PIEZO1: variants seen among roughly 807,000 people sequenced by gnomAD.
PIEZO1 encodes piezo-type mechanosensitive ion channel component 1.
A neutral mutation model predicts 297.2 loss-of-function variants in PIEZO1; 296 were observed. That is an observed-to-expected ratio of 1.00 (90% confidence interval 0.91 to 1.10). The LOEUF is 1.10. Ranked by LOEUF, PIEZO1 falls within the 50% of genes least tolerant of loss-of-function variation. PIEZO1 has a pLI of 0.00. For synonymous variants in PIEZO1, 2,427 were observed against 1,507.5 expected (o/e 1.61, Z -14.13); for missense variants, 5,018 against 3,455.5 (o/e 1.45, Z -11.34).
At chr16:88,775,366 G>A (rs1028949960) in intron 1 of PIEZO1, among the ~76,000 whole-genome samples, 4 of 152,240 alleles carry the variant, frequency 2.6e-5, no homozygotes, top group African/African-American at 9.6e-5. Flanking sequence ...TTCAGTGGCA[G>A]GTAGAGCCCC....
At chr16:88,727,231 C>T (rs1597450950) in intron 23 of PIEZO1, 39 bp from the exon 24 acceptor site, 1 of 1,498,900 alleles carries the variant, frequency 6.7e-7, no homozygotes, top group Non-Finnish European at 8.9e-7. Flanking sequence ...CACACGGGGA[C>T]CCACACGAGG....
Position 88,715,348 on chromosome 16 carries a change from C to CATTT in PIEZO1, c.*253_*256dup. On this transcript the variant is annotated 3_prime_UTR_variant, in exon 51 of 51. Coordinates refer to ENST00000301015, the MANE Select transcript of PIEZO1 (RefSeq NM_001142864.4). The stretch of plus-strand genomic sequence containing the variant: ...GACGGGGGACTGGCCTCTGATTGTC[C>CATTT]ATTTGTATAAATAAAACATTTTTTA... 1 of 1,279,362 alleles carries CATTT rather than the reference C, an allele frequency of 7.8e-7. No individual in the cohort carries two copies. The highest frequency in any genetic ancestry group is 1.3e-5 in the South Asian group (1 of 74,284). The allele number at this position is 1,279,362 out of a possible 1,614,324, so 79.3% of individuals were successfully genotyped here. A position where few individuals can be genotyped will look rare whatever the true frequency, so the allele number is the denominator to read the frequency against.
chr16:88,749,340 C>T lies in PIEZO1; in HGVS notation c.160+44G>A, dbSNP rs751001949. 1,242 of 1,309,178 alleles carry T rather than the reference C, an allele frequency of 9.5e-4. 6 individuals carry two copies. Among genetic ancestry groups the T allele is most frequent in the Middle Eastern group, 2.2e-3 (12 of 5,484 alleles). The allele number at this position is 1,309,178 out of a possible 1,614,324, so 81.1% of individuals were successfully genotyped here. ...AATTTTGGCCCCAAACGAATGCCCA[C>T]CCCCTCCCACCCTGAGAGCGTGGGC... On this transcript the variant is annotated intron_variant, in intron 2 of 50. Coordinates refer to ENST00000301015, the MANE Select transcript of PIEZO1 (RefSeq NM_001142864.4).
At chr16:88,725,573 T>G (rs1185151013) in intron 28 of PIEZO1, 22 bp downstream of exon 28, 2 of 1,532,696 alleles carry the variant, frequency 1.3e-6, no homozygotes, top group Non-Finnish European at 1.8e-6. Context: ...AGCCGGGGAG[T>G]CCCCGCCCCA....
chr16:88,721,266 T>C lies in PIEZO1; in HGVS notation c.5568A>G (p.Glu1856=). 6.5e-7 allele frequency: 1 copy of C among 1,543,716 alleles called. No homozygotes were observed. Among genetic ancestry groups the C allele is most frequent in the Non-Finnish European group, 8.7e-7 (1 of 1,146,504 alleles). Residue 1856 remains glutamate, a synonymous_variant, in exon 39 of 51, where the codon GAA becomes GAG. Transcript: ENST00000301015. ...CACGGGGCCTGAGCTCCACTTGGGGTTCTGGGGTCCCGTCCGTGGGTCCGA... is the reference window on the plus strand; with the variant it reads ...CACGGGGCCTGAGCTCCACTTGGGGCTCTGGGGTCCCGTCCGTGGGTCCGA... ...ARVGPTDGTP[E]PQVELRPRDT... is the part of the protein sequence containing the mutation.
Position 88,725,625 on chromosome 16 carries a change from T to C in PIEZO1, c.4028A>G (p.Glu1343Gly). 6.5e-7 allele frequency: 1 copy of C among 1,549,686 alleles called. No individual in the cohort carries two copies. Among genetic ancestry groups the C allele is most frequent in the Non-Finnish European group, 8.7e-7 (1 of 1,146,132 alleles). The change falls in exon 28 of 51, where the codon GAG (glutamate) becomes GGG (glycine). Residue 1343 changes from glutamate (E) to glycine (G), a missense_variant. Glu to Gly is a moderately conservative substitution (Grantham distance 98). Coordinates refer to ENST00000301015, the MANE Select transcript of PIEZO1 (RefSeq NM_001142864.4). ...TTTCAGCTGGGCCAGGGACTTCTCC[T>C]CTATCCTGCGGTGAAAGTCAATGCT... ...LKSIDFHRRI[E>G]EKSLAQLKRQ...
chr16:88,720,933 A>C (rs927687951), intron 39 of PIEZO1, among the ~76,000 whole-genome samples, 185 bp from the exon 40 acceptor site: 2 of 152,186 alleles, frequency 1.3e-5, no homozygotes, highest in African/African-American at 4.8e-5. Context: ...GGCAACTGTG[A>C]GGGGCCAGCC....
In PIEZO1 at chr16:88,722,674, T is replaced by G. The variant is rs983000163; in HGVS notation, c.4684A>C (p.Arg1562=). The change falls in exon 35 of 51, where the codon AGG becomes CGG. Residue 1562 remains arginine (R), a synonymous_variant. Transcript: ENST00000301015. ...GTGTACAGCTGATCCAGCACGCCCC[T>G]GTGCACTTCGCCGCCCTGCAGGGCA... ...QELLQGGEVH[R]GVLDQLYTSQ... 3 of 1,537,634 alleles carry G rather than the reference T, an allele frequency of 2.0e-6. No individual in the cohort carries two copies. The highest frequency in any genetic ancestry group is 2.6e-6 in the Non-Finnish European group (3 of 1,146,412).
Position 88,727,181 on chromosome 16 carries a change from G to A in PIEZO1, c.3313C>T (p.Leu1105=), listed in dbSNP as rs769867159. Reference sequence around the variant, plus strand: ...CACTGCTGGGAGGCGCACAGCAGCAGGAGAAAGTCGCCTGCAGGACACAGG... The same window carrying A: ...CACTGCTGGGAGGCGCACAGCAGCAAGAGAAAGTCGCCTGCAGGACACAGG... ...NSTNLISDFL[L]LLCASQQWQV... is the part of the protein sequence containing the mutation. Residue 1105 remains leucine, a synonymous_variant, in exon 24 of 51, where the codon CTG becomes TTG. Coordinates refer to ENST00000301015, the MANE Select transcript of PIEZO1 (RefSeq NM_001142864.4). 25 of 1,541,618 alleles carry A rather than the reference G, an allele frequency of 1.6e-5. No homozygotes were observed. In the South Asian group the frequency reaches 2.9e-4, roughly 18 times the overall value.
chr16:88,772,799 T>G (rs1597487292), intron 1 of PIEZO1, among the ~76,000 whole-genome samples: 1 of 146,578 alleles, frequency 6.8e-6, no homozygotes, highest in African/African-American at 2.5e-5. Context: ...AAAAGGCCTG[T>G]GCCCCCTCCT....
At position 88,737,918 on chromosome 16, in the gene PIEZO1, G is replaced by A; in HGVS notation, c.1020+16C>T. The A allele has an allele frequency of 6.5e-7, 1 of 1,530,146 alleles. No individual in the cohort carries two copies. Among genetic ancestry groups the A allele is most frequent in the Non-Finnish European group, 8.8e-7 (1 of 1,142,664 alleles). The allele number at this position is 1,530,146 out of a possible 1,614,324, so 94.8% of individuals were successfully genotyped here. On this transcript the variant is annotated intron_variant, in intron 8 of 50. Transcript: ENST00000301015. ...GCCTGGCCTCAGCCCACCCACCATG[G>A]GTGGCAGGTGCTCACCTGGCCGGAG...
chr16:88,719,794 G>A lies in PIEZO1; in HGVS notation c.6323+8C>T. ...CCGTGACCCCCACCCCGGCGGACCTGCACTCACCCCTGGAAGAGGAAGAGG... is the reference window on the plus strand; with the variant it reads ...CCGTGACCCCCACCCCGGCGGACCTACACTCACCCCTGGAAGAGGAAGAGG... On this transcript the variant is annotated splice_region_variant and intron_variant, in intron 43 of 50. Coordinates refer to ENST00000301015, the MANE Select transcript of PIEZO1 (RefSeq NM_001142864.4). The A allele has an allele frequency of 6.4e-7, 1 of 1,550,460 alleles. No homozygotes were observed. Among genetic ancestry groups the A allele is most frequent in the South Asian group, 1.2e-5 (1 of 84,062 alleles).
chr16:88,781,232 C>T (rs1181960487), intron 1 of PIEZO1, among the ~76,000 whole-genome samples: 5 of 152,170 alleles, frequency 3.3e-5, no homozygotes, highest in African/African-American at 1.2e-4. Context: ...GGAGAGACAC[C>T]GCCCAGGAAG....
chr16:88,758,923 T>G (rs1279043693), intron 1 of PIEZO1, among the ~76,000 whole-genome samples: 1 of 152,220 alleles, frequency 6.6e-6, no homozygotes, highest in Non-Finnish European at 1.5e-5. Context: ...TACCATTCCT[T>G]TTGTGTAAAA....
rs750362416 is a variant in PIEZO1 at position 88,732,403 on chromosome 16, G to A, written c.2923C>T (p.Leu975=). The A allele has an allele frequency of 2.5e-5, 39 of 1,549,810 alleles. No homozygotes were observed. In the East Asian group the frequency reaches 9.0e-4, roughly 36 times the overall value. ...AVFASGTRQQ[L]DQDLLGCLKY... is the part of the protein sequence containing the mutation. Reference sequence around the variant, plus strand: ...AGGCAGCCGAGCAGATCCTGGTCCAGCTGCTGGCGGGTGCCGCTGGCAAAC... The same window carrying A: ...AGGCAGCCGAGCAGATCCTGGTCCAACTGCTGGCGGGTGCCGCTGGCAAAC... The change falls in exon 21 of 51, where the codon CTG becomes TTG. Residue 975 remains leucine (L), a synonymous_variant. Coordinates refer to ENST00000301015, the MANE Select transcript of PIEZO1 (RefSeq NM_001142864.4).
Position 88,721,605 on chromosome 16 carries a change from G to C in PIEZO1, c.5336C>G (p.Thr1779Ser), listed in dbSNP as rs1453311263. ...FPPRILGLEK[T>S]DGYIKYDLVQ... The stretch of plus-strand genomic sequence containing the variant: ...CAGGTCGTACTTGATGTAGCCGTCA[G>C]TCTTCTCCAGGCCCAGGATGCGGGG... The change falls in exon 38 of 51, where the codon ACT becomes AGT. Residue 1779 changes from threonine (T) to serine (S), a missense_variant. Coordinates refer to ENST00000301015, the MANE Select transcript of PIEZO1 (RefSeq NM_001142864.4). 2 of 1,550,320 alleles carry C rather than the reference G, an allele frequency of 1.3e-6. No homozygotes were observed. The highest frequency in any genetic ancestry group is 2.0e-5 in the Admixed American group (1 of 51,008).
chr16:88,726,358 C>G lies in PIEZO1; in HGVS notation c.3894G>C (p.Gln1298His). 1.3e-6 allele frequency: 2 copies of G among 1,550,404 alleles called. No individual in the cohort carries two copies. The highest frequency in any genetic ancestry group is 1.7e-6 in the Non-Finnish European group (2 of 1,146,932). Residue 1298 changes from glutamine to histidine, a missense_variant, in exon 27 of 51, where the codon CAG becomes CAC. Physicochemically the swap from Gln to His is conservative, Grantham distance 24. Transcript: ENST00000301015. Reference sequence around the variant, plus strand: ...AGTAATGGCTAAGGAAGACGCGGCGCTGCAGCAGCAGGAAGAAGAAGCAGA... The same window carrying G: ...AGTAATGGCTAAGGAAGACGCGGCGGTGCAGCAGCAGGAAGAAGAAGCAGA... ...DSVCFFFLLL[Q>H]RRVFLSHYYL...
At position 88,725,719 on chromosome 16, in the gene PIEZO1, G is replaced by A. The variant is rs1344745063; in HGVS notation, c.3969-35C>T. 6 of 1,131,198 alleles carry A rather than the reference G, an allele frequency of 5.3e-6. No individual in the cohort carries two copies. The East Asian group carries it at 7.7e-5, about 15-fold the overall frequency. 70.1% of individuals were successfully genotyped at this position (1,131,198 alleles called of 1,614,324 possible). ...GGCGGGGATGGGGTGTGAGCACCAG[G>A]CACTCGACCCCAGCAACATGGGCAG... is the stretch of plus-strand genomic sequence containing the variant. On this transcript the variant is annotated intron_variant, in intron 27 of 50. Coordinates refer to ENST00000301015, the MANE Select transcript of PIEZO1 (RefSeq NM_001142864.4).
rs1340189846 is a variant in PIEZO1 at position 88,736,321 on chromosome 16, G to C, written c.1384C>G (p.Leu462Val). Residue 462 changes from leucine to valine, a missense_variant, in exon 12 of 51, where the codon CTG (leucine) becomes GTG (valine). Leu to Val is a conservative substitution (Grantham distance 32). Transcript: ENST00000301015. ...LIWTVRSRHQ[L>V]AMLCSPCILL... ...ATGCAGGGCGAGCACAGCATGGCCA[G>C]TTGGTGGCGGCTGCGCACCGTCCAG... 9 of 1,550,190 alleles carry C rather than the reference G, an allele frequency of 5.8e-6. No homozygotes were observed. The highest frequency in any genetic ancestry group is 2.0e-5 in the Admixed American group (1 of 51,004).
Sources: gnomAD v4.1 joint callset for allele counts (sites outside exome capture counted in the v4.1 genomes callset) on GRCh38, gnomAD v4.1.1 for gene constraint, MANE v1.5 for transcripts, NCBI Gene and HGNC (gene_info 2026-07-23, HGNC 2026-07-21) for gene names.